The following GMDS variants were observed in gnomAD, a reference collection of about 807,000 sequenced individuals.
The protein encoded by GMDS is GDP-mannose 4,6 dehydratase.
Under a neutral mutation model 49.9 loss-of-function variants are expected in GMDS, and 20 were observed. The observed-to-expected ratio is 0.40, with a 90% CI of 0.28 to 0.58. The LOEUF (loss-of-function observed/expected upper bound fraction) is 0.58. Ranked by LOEUF, GMDS falls within the 20% of genes least tolerant of loss-of-function variation. The probability of loss-of-function intolerance (pLI) is 0.42; values close to 1 mark genes in which losing one functional copy is unlikely to be tolerated. For missense variants in GMDS, 362 were observed against 481.4 expected (o/e 0.75, Z 2.32); for synonymous variants, 177 against 178.6 (o/e 0.99, Z 0.07).
At chr6:1,951,589 G>T (rs568323764) in intron 6 of GMDS, among the ~76,000 whole-genome samples, 1 of 152,158 alleles carries the variant, frequency 6.6e-6, no homozygotes, top group East Asian at 1.9e-4. Context: ...TAGGGATGAG[G>T]TTTCACTATA....
rs547478515 is a variant in GMDS, at chr6:2,105,804, C to T, written c.345+9967G>A. On this transcript the variant is annotated intron_variant, in intron 4 of 10. Transcript: ENST00000380815. ...GATATACCAAACAGCATAAGAAGTG[C>T]GAAACTGCTGCCTCTTCTCTATCAG... 2.8e-3 allele frequency among the ~76,000 whole-genome samples: 424 copies of T among 152,248 alleles called. 4 individuals are homozygous for T. Among genetic ancestry groups the T allele is most frequent in the Non-Finnish European group, 5.2e-3 (351 of 68,004 alleles).
chr6:1,939,554 TAC>T (rs1762713038), intron 6 of GMDS, among the ~76,000 whole-genome samples: 13 of 147,326 alleles, frequency 8.8e-5, no homozygotes, highest in African/African-American at 3.2e-4. Context: ...TACATATATA[TAC>T]ATATATATAC....
At chr6:1,849,677 C>T (rs1757568219) in intron 7 of GMDS, among the ~76,000 whole-genome samples, 1 of 152,046 alleles carries the variant, frequency 6.6e-6, no homozygotes, top group Non-Finnish European at 1.5e-5. Context: ...GTAGCTTTTC[C>T]CTGAATTTGA....
chr6:1,639,212 C>T (rs959533577), intron 9 of GMDS, among the ~76,000 whole-genome samples: 15 of 152,156 alleles, frequency 9.9e-5, no homozygotes, highest in Admixed American at 2.0e-4. Context: ...GTTAAGGATG[C>T]CACTGAGGCA....
chr6:1,705,934 C>T (rs1765720661), intron 9 of GMDS, among the ~76,000 whole-genome samples: 1 of 152,174 alleles, frequency 6.6e-6, no homozygotes, highest in South Asian at 2.1e-4. Context: ...CAGGAAGGCC[C>T]TTGCAAGAAC....
intron 7 of GMDS, among the ~76,000 whole-genome samples, chr6:1,850,612 T>C (rs987552446): frequency 6.6e-5 from 10 of 152,096 alleles, no homozygotes; most frequent in African/African-American, 2.4e-4. Context: ...GATTAGGGAA[T>C]TGGAGATGCA....
At chr6:1,773,811 G>A (rs1209231942) in intron 7 of GMDS, among the ~76,000 whole-genome samples, 1 of 152,222 alleles carries the variant, frequency 6.6e-6, no homozygotes, top group Admixed American at 6.5e-5. Context: ...AAGCACCCAG[G>A]AGAGTTTCAC....
chr6:1,896,614 C>T (rs1200731269), intron 7 of GMDS, among the ~76,000 whole-genome samples: 1 of 151,988 alleles, frequency 6.6e-6, no homozygotes, highest in Non-Finnish European at 1.5e-5. Context: ...GAGGCAGGAC[C>T]CATGTGAGGC....
At chr6:1,984,548 C>T (rs1055709768) in intron 4 of GMDS, among the ~76,000 whole-genome samples, 1 of 152,132 alleles carries the variant, frequency 6.6e-6, no homozygotes, top group Admixed American at 6.6e-5. Flanking sequence ...TCCTAGTGAC[C>T]CTAATGTCCT....
chr6:1,691,478 C>A (rs1470602140), intron 9 of GMDS, among the ~76,000 whole-genome samples: 1 of 151,938 alleles, frequency 6.6e-6, no homozygotes, highest in Non-Finnish European at 1.5e-5. Flanking sequence ...AAGTAACAAA[C>A]CTGCACATCC....
At chr6:1,853,189 C>A (rs952083295) in intron 7 of GMDS, among the ~76,000 whole-genome samples, 2 of 151,938 alleles carry the variant, frequency 1.3e-5, no homozygotes, top group Non-Finnish European at 2.9e-5. Flanking sequence ...ACACAAGACA[C>A]AAAACACTGC....
chr6:2,147,506 A>C (rs968649130), intron 1 of GMDS, among the ~76,000 whole-genome samples: 4 of 152,076 alleles, frequency 2.6e-5, no homozygotes, highest in Non-Finnish European at 5.9e-5. Flanking sequence ...GGAAGGAAAG[A>C]CCTAGACATC....
At chr6:1,763,397 G>A (rs903147112) in intron 7 of GMDS, among the ~76,000 whole-genome samples, 3 of 152,178 alleles carry the variant, frequency 2.0e-5, no homozygotes, top group African/African-American at 7.2e-5. Flanking sequence ...AATTCTCCAG[G>A]GGCATGGAGA....
At chr6:1,755,113 A>T (rs1350682579) in intron 7 of GMDS, among the ~76,000 whole-genome samples, 1 of 152,210 alleles carries the variant, frequency 6.6e-6, no homozygotes, top group Non-Finnish European at 1.5e-5. Context: ...AGATGACATG[A>T]TTGTATATTT....
intron 1 of GMDS, among the ~76,000 whole-genome samples, chr6:2,175,059 G>T (rs560478515): frequency 6.6e-6 from 1 of 152,148 alleles, no homozygotes. Context: ...GAAGGGGAAG[G>T]GGGGTGAGGG....
chr6:1,790,672 T>C (rs554460017), intron 7 of GMDS, among the ~76,000 whole-genome samples: 13 of 152,350 alleles, frequency 8.5e-5, no homozygotes, highest in Admixed American at 8.5e-4. Context: ...TTTTCTATAG[T>C]AGCTATATAT....
intron 7 of GMDS, among the ~76,000 whole-genome samples, chr6:1,785,366 T>C (rs1769273888): frequency 6.6e-6 from 1 of 152,196 alleles, no homozygotes; most frequent in African/African-American, 2.4e-5. Flanking sequence ...CCTTAAAACT[T>C]GGTAGCTTAA....
At chr6:2,100,167 C>T (rs368767206) in intron 4 of GMDS, among the ~76,000 whole-genome samples, 1 of 151,948 alleles carries the variant, frequency 6.6e-6, no homozygotes, top group Non-Finnish European at 1.5e-5. Context: ...AGAAAAAGTA[C>T]CCTGTGCTAG....
intron 9 of GMDS, among the ~76,000 whole-genome samples, chr6:1,707,304 A>C (rs1450100230): frequency 6.6e-6 from 1 of 152,224 alleles, no homozygotes; most frequent in Admixed American, 6.5e-5. Flanking sequence ...TGTGAGCTGA[A>C]AATATTCTGA....
Sources: gnomAD v4.1 joint callset for allele counts (sites outside exome capture counted in the v4.1 genomes callset) on GRCh38, gnomAD v4.1.1 for gene constraint, MANE v1.5 for transcripts, NCBI Gene and HGNC (gene_info 2026-07-23, HGNC 2026-07-21) for gene names.